The following FMNL3 variants were observed in gnomAD, a reference collection of about 807,000 sequenced individuals.
The protein encoded by FMNL3 is formin-like protein 3.
A neutral mutation model predicts 119.6 loss-of-function variants in FMNL3; 57 were observed. That is an observed-to-expected ratio of 0.48 (90% CI 0.39 to 0.59). FMNL3 has a LOEUF of 0.59. FMNL3 is among the 20% of genes least tolerant of loss of function. FMNL3 has a pLI of 0.00. For synonymous variants in FMNL3, 491 were observed against 507.3 expected (o/e 0.97, Z 0.43); for missense variants, 1,053 against 1,323.5 (o/e 0.80, Z 3.17).
chr12:49,701,304 T>C (rs770117709), intron 1 of FMNL3, among the ~76,000 whole-genome samples: 2 of 152,134 alleles, frequency 1.3e-5, no homozygotes, highest in Non-Finnish European at 2.9e-5. Context: ...ATTTACCTAA[T>C]AAATATTTAT....
At position 49,668,482 on chromosome 12, in the gene FMNL3, T is replaced by A; in HGVS notation, c.199A>T (p.Ile67Phe). 1 of 1,614,044 alleles carries A rather than the reference T, an allele frequency of 6.2e-7. No homozygotes were observed. The highest frequency in any genetic ancestry group is 8.5e-7 in the Non-Finnish European group (1 of 1,180,016). ...QYDNEKKWDL[I>F]CDQERFQVKN... The stretch of plus-strand genomic sequence containing the variant: ...CCCAAACCCCATACCTGGTCACAGA[T>A]CAGATCCCATTTCTTCTCATTGTCA... Residue 67 changes from isoleucine (I) to phenylalanine (F), a missense_variant, in exon 2 of 26, where the codon ATC becomes TTC. Physicochemically the swap from Ile to Phe is conservative, Grantham distance 21. Coordinates refer to ENST00000335154, the MANE Select transcript of FMNL3 (RefSeq NM_175736.5).
intron 1 of FMNL3, among the ~76,000 whole-genome samples, chr12:49,695,433 C>T (rs1664525760): frequency 6.6e-6 from 1 of 152,066 alleles, no homozygotes; most frequent in African/African-American, 2.4e-5. Flanking sequence ...TCCTTAAGGC[C>T]TAAGTTAGTG....
At chr12:49,679,290 C>T (rs1944273491) in intron 1 of FMNL3, among the ~76,000 whole-genome samples, 1 of 152,150 alleles carries the variant, frequency 6.6e-6, no homozygotes, top group African/African-American at 2.4e-5. Flanking sequence ...AAGCTTTTAA[C>T]TCCTCACAAT....
Position 49,653,637 on chromosome 12 carries a change from A to G in FMNL3, c.1221+88T>C, listed in dbSNP as rs960300470. ...GGTTCTAAAGCCTCCCTGGGACTCAATCTGGAGGCAAATGGGTCAGCTCAG... is the reference window on the plus strand; with the variant it reads ...GGTTCTAAAGCCTCCCTGGGACTCAGTCTGGAGGCAAATGGGTCAGCTCAG... On this transcript the variant is annotated intron_variant, in intron 12 of 25. Transcript: ENST00000335154. 3.8e-6 allele frequency: 6 copies of G among 1,568,856 alleles called. No individual in the cohort carries two copies. In the South Asian group the frequency reaches 6.0e-5, roughly 16 times the overall value.
chr12:49,651,557 AC>A, intron 14 of FMNL3, 107 bp from the exon 15 acceptor site: 1 of 925,004 alleles, frequency 1.1e-6, no homozygotes, highest in Non-Finnish European at 1.5e-6. Context: ...AAAAAAAAAA[AC>A]TCTCAGAGAA....
intron 7 of FMNL3, 24 bp from the exon 8 acceptor site, chr12:49,656,923 G>A (rs771491649): frequency 1.9e-6 from 3 of 1,606,204 alleles, no homozygotes; most frequent in African/African-American, 1.3e-5. Context: ...GACAGAAGGA[G>A]GGGACCTTGA....
chr12:49,690,560 A>C (rs1335983487), intron 1 of FMNL3, among the ~76,000 whole-genome samples: 1 of 152,246 alleles, frequency 6.6e-6, no homozygotes, highest in East Asian at 1.9e-4. Context: ...TTTAAAACAA[A>C]AAACAAGAAA....
At position 49,645,990 on chromosome 12, in the gene FMNL3, G is replaced by A; in HGVS notation, c.2996-87C>T. 4.3e-6 allele frequency: 5 copies of A among 1,174,926 alleles called. No homozygotes were observed. The African/African-American group carries it at 4.6e-5, about 11-fold the overall frequency. The allele number at this position is 1,174,926 out of a possible 1,614,324, so 72.8% of individuals were successfully genotyped here. A position where few individuals can be genotyped will look rare whatever the true frequency, so the allele number is the denominator to read the frequency against. On this transcript the variant is annotated intron_variant, in intron 25 of 25. Coordinates refer to ENST00000335154, the MANE Select transcript of FMNL3 (RefSeq NM_175736.5). ...AGAGCAGCCCCACAGGTAGGGCCAG[G>A]GAGGAGCCAGCAGTGAGGCAGATAA...
rs1191999333 is a variant in FMNL3, at chr12:49,645,145, G to GA, written c.*669dup. ...AAAAAAAAAACCGTAGCTGAGGAAA[G>GA]AAGGTGAAGAGTTGGCACACCCTTT... On this transcript the variant is annotated 3_prime_UTR_variant, in exon 26 of 26. Coordinates refer to ENST00000335154, the MANE Select transcript of FMNL3 (RefSeq NM_175736.5). The GA allele has an allele frequency of 1.4e-5, 2 of 142,212 alleles. No homozygotes were observed. Among genetic ancestry groups the GA allele is most frequent in the Non-Finnish European group, 3.0e-5 (2 of 66,298 alleles). 8.8% of individuals were successfully genotyped at this position (142,212 alleles called of 1,614,324 possible). A position where few individuals can be genotyped will look rare whatever the true frequency, so the allele number is the denominator to read the frequency against.
Position 49,642,960 on chromosome 12 carries a change from C to A in FMNL3, c.*2855G>T, listed in dbSNP as rs962692144. ...ATGCCAGCACCTCCACACCAAAGGC[C>A]GAAAGCATGGCAGGAAAGGCAAGAA... On this transcript the variant is annotated 3_prime_UTR_variant, in exon 26 of 26. Transcript: ENST00000335154. This position sits in a 1 kb window ranked among gnomAD's most constrained non-coding sequence, Gnocchi z 5.8. 2.5e-6 allele frequency: 4 copies of A among 1,613,626 alleles called. No individual in the cohort carries two copies. The African/African-American group carries it at 5.3e-5, about 22-fold the overall frequency.
intron 5 of FMNL3, chr12:49,660,017 C>T: frequency 1.1e-5 from 10 of 947,524 alleles, no homozygotes; most frequent in Non-Finnish European, 1.3e-5. Flanking sequence ...TGGGAGCAGG[C>T]TTTAGTGTCC....
chr12:49,637,441 C>A lies in FMNL3; in HGVS notation c.*8374G>T. Reference sequence around the variant, plus strand: ...TGTGGCTCTGCCTCCCTGTCTCACTCTCCCTATAACTGGCCTCTCCCTGCT... The same window carrying A: ...TGTGGCTCTGCCTCCCTGTCTCACTATCCCTATAACTGGCCTCTCCCTGCT... On this transcript the variant is annotated 3_prime_UTR_variant, in exon 26 of 26. Transcript: ENST00000335154. 1 of 1,521,248 alleles carries A rather than the reference C, an allele frequency of 6.6e-7. No homozygotes were observed. The highest frequency in any genetic ancestry group is 9.1e-7 in the Non-Finnish European group (1 of 1,098,820). The allele number at this position is 1,521,248 out of a possible 1,614,324, so 94.2% of individuals were successfully genotyped here. A position where few individuals can be genotyped will look rare whatever the true frequency, so the allele number is the denominator to read the frequency against.
chr12:49,683,840 C>T (rs1383727492), intron 1 of FMNL3, among the ~76,000 whole-genome samples: 1 of 152,218 alleles, frequency 6.6e-6, no homozygotes, highest in Non-Finnish European at 1.5e-5. Context: ...CTGAGCAGCT[C>T]TGAGAGGGTT....
chr12:49,707,352 C>A lies in FMNL3; in HGVS notation c.-172G>T. The A allele has an allele frequency of 5.8e-6, 3 of 518,222 alleles. No homozygotes were observed. 32.1% of individuals were successfully genotyped at this position (518,222 alleles called of 1,614,324 possible). On this transcript the variant is annotated 5_prime_UTR_variant, in exon 1 of 26. Transcript: ENST00000335154. The stretch of plus-strand genomic sequence containing the variant: ...GAGTCCCGCTGGCGGGGGCGCGCGG[C>A]GAGGGCGGAGGCAGCGTAGCGGACA...
Position 49,637,161 on chromosome 12 carries a change from C to T in FMNL3, c.*8654G>A. ...GGGCACCCGACAGGCAGAGTTTATT[C>T]CCTCAGCTTGGGGGTGGCAGTGGTG... On this transcript the variant is annotated 3_prime_UTR_variant, in exon 26 of 26. Coordinates refer to ENST00000335154, the MANE Select transcript of FMNL3 (RefSeq NM_175736.5). The T allele has an allele frequency of 1.7e-6, 1 of 573,376 alleles. No homozygotes were observed. Among genetic ancestry groups the T allele is most frequent in the South Asian group, 2.2e-5 (1 of 46,004 alleles). 35.5% of individuals were successfully genotyped at this position (573,376 alleles called of 1,614,324 possible).
chr12:49,670,341 T>C (rs1944010995), intron 1 of FMNL3, among the ~76,000 whole-genome samples: 2 of 152,240 alleles, frequency 1.3e-5, no homozygotes, highest in South Asian at 4.1e-4. Context: ...AACTCAGATA[T>C]ACTCCTAAAC....
chr12:49,658,091 A>T (rs1346013431), intron 6 of FMNL3, among the ~76,000 whole-genome samples: 1 of 152,116 alleles, frequency 6.6e-6, no homozygotes, highest in Non-Finnish European at 1.5e-5. Flanking sequence ...GAGCTGGATC[A>T]CCCAGTGAAG....
chr12:49,658,680 C>A, intron 5 of FMNL3, 86 bp from the exon 6 acceptor site: 1 of 1,445,816 alleles, frequency 6.9e-7, no homozygotes, highest in South Asian at 1.4e-5. Flanking sequence ...AGCCCACCCC[C>A]ACCCTTCAGG....
rs911573955 is a variant in FMNL3, at chr12:49,645,168, T to C, written c.*647A>G. ...AAGAAGGTGAAGAGTTGGCACACCC[T>C]TTCTCCAGCCATCTGCAGAGAGTGG... On this transcript the variant is annotated 3_prime_UTR_variant, in exon 26 of 26. Coordinates refer to ENST00000335154, the MANE Select transcript of FMNL3 (RefSeq NM_175736.5). 1.3e-5 allele frequency: 2 copies of C among 148,460 alleles called. No homozygotes were observed. The highest frequency in any genetic ancestry group is 3.0e-5 in the Non-Finnish European group (2 of 67,574). The allele number at this position is 148,460 out of a possible 1,614,324, so 9.2% of individuals were successfully genotyped here. A position where few individuals can be genotyped will look rare whatever the true frequency, so the allele number is the denominator to read the frequency against.
Sources: gnomAD v4.1 joint callset for allele counts (sites outside exome capture counted in the v4.1 genomes callset) on GRCh38, gnomAD v4.1.1 for gene constraint, Gnocchi (gnomAD v3.1) non-coding constraint, MANE v1.5 for transcripts, NCBI Gene and HGNC (gene_info 2026-07-23, HGNC 2026-07-21) for gene names.